GRHPR: variants seen among roughly 807,000 people sequenced by gnomAD.
The protein encoded by GRHPR is glyoxylate and hydroxypyruvate reductase, also known as glyoxylate reductase/hydroxypyruvate reductase.
In GRHPR, 35 loss-of-function variants were observed where a neutral mutation model predicts 36.8. The observed-to-expected ratio is 0.95, with a 90% confidence interval of 0.73 to 1.26. The LOEUF (loss-of-function observed/expected upper bound fraction) is 1.26, where lower values mean the gene tolerates loss of function less well. Among genes scored for constraint, GRHPR ranks in the 50% most tolerant of loss-of-function variants. The probability of loss-of-function intolerance (pLI) is 0.00; values close to 1 mark genes in which losing one functional copy is unlikely to be tolerated. For synonymous variants in GRHPR, 179 were observed against 181.0 expected, an observed-to-expected ratio of 0.99 and a Z score of 0.09; for missense variants, 380 against 435.0, an observed-to-expected ratio of 0.87 and a Z score of 1.12.
At chr9:37,431,064 C>T (rs760550989) in intron 7 of GRHPR, 5 of 472,200 alleles carry the variant, frequency 1.1e-5, no homozygotes, top group Non-Finnish European at 1.8e-5. Context: ...ACCTTATGCT[C>T]CTGGGCGGAC....
downstream of GRHPR, chr9:37,438,282 T>C (rs138716946): frequency 2.6e-5 from 4 of 152,696 alleles, no homozygotes; most frequent in Admixed American, 2.0e-4. Flanking sequence ...AAAATTCAGG[T>C]ACCCAAAACC....
At chr9:37,424,076 C>T (rs1822964486) in intron 1 of GRHPR, among the ~76,000 whole-genome samples, 1 of 152,200 alleles carries the variant, frequency 6.6e-6, no homozygotes, top group African/African-American at 2.4e-5. Flanking sequence ...GTTCTAGGGG[C>T]ATATGAGATT....
At position 37,435,355 on chromosome 9, in the gene GRHPR, T is replaced by C. The variant is rs1462807162; in HGVS notation, c.866-1306T>C. 2.0e-5 allele frequency among the ~76,000 whole-genome samples: 3 copies of C among 152,350 alleles called. No individual in the cohort carries two copies. The East Asian group carries it at 5.8e-4, about 29-fold the overall frequency. On this transcript the variant is annotated intron_variant, in intron 8 of 8. Transcript: ENST00000318158. ...GGTACTATACTTCATTCCTGACATATTTTGGTTTCCATGTTGGCATTCAGC... is the reference window on the plus strand; with the variant it reads ...GGTACTATACTTCATTCCTGACATACTTTGGTTTCCATGTTGGCATTCAGC...
At chr9:37,431,214 C>T (rs1202618498) in intron 7 of GRHPR, 2 of 360,390 alleles carry the variant, frequency 5.5e-6, no homozygotes, top group East Asian at 7.4e-5. Flanking sequence ...AGCCTGTTTA[C>T]ATCAGTTTAG....
intron 5 of GRHPR, 49 bp downstream of exon 5, chr9:37,428,621 T>C (rs760489628): frequency 8.0e-7 from 1 of 1,243,312 alleles, no homozygotes; most frequent in African/African-American, 1.5e-5. Flanking sequence ...CACAGCGTGG[T>C]TTGCATCCCT....
chr9:37,438,479 GAGGCAGGGCTCC>G (rs557406771), downstream of GRHPR: 2 of 152,602 alleles, frequency 1.3e-5, no homozygotes, highest in East Asian at 3.9e-4. Flanking sequence ...TAGCAGTGGA[GAGGCAGGGCTCC>G]AGCATGTATC....
In GRHPR at chr9:37,436,758, G is replaced by A. The variant is rs76299266; in HGVS notation, c.963G>A (p.Pro321=). 6.6e-3 allele frequency: 10,674 copies of A among 1,614,002 alleles called. 86 individuals are homozygous for A. Among genetic ancestry groups the A allele is most frequent in the African/African-American group, 0.025 (1,875 of 75,012 alleles). ...NNLLAGLRGE[P]MPSELKL ...TGCTGGCTGGCCTGAGAGGGGAGCC[G>A]ATGCCTAGTGAACTCAAGCTGTAGC... is the stretch of plus-strand genomic sequence containing the variant. Residue 321 remains proline, a synonymous_variant, in exon 9 of 9, where the codon CCG becomes CCA. Coordinates refer to ENST00000318158, the MANE Select transcript of GRHPR (RefSeq NM_012203.2).
At position 37,429,749 on chromosome 9, in the gene GRHPR, C is replaced by A; in HGVS notation, c.511C>A (p.Arg171Ser). Residue 171 changes from arginine to serine, a missense_variant, in exon 6 of 9, where the codon CGT becomes AGT. Coordinates refer to ENST00000318158, the MANE Select transcript of GRHPR (RefSeq NM_012203.2). ...TGCTCTAGGCCAGGCCATTGCTCGG[C>A]GTCTGAAACCATTCGGTGTCCAGAG... The part of the protein sequence containing the change: ...LGRIGQAIAR[R>S]LKPFGVQRFL... The A allele has an allele frequency of 6.2e-7, 1 of 1,611,958 alleles. No individual in the cohort carries two copies. The highest frequency in any genetic ancestry group is 8.5e-7 in the Non-Finnish European group (1 of 1,177,936).
chr9:37,427,461 C>T (rs934621158), intron 4 of GRHPR, among the ~76,000 whole-genome samples: 9 of 152,142 alleles, frequency 5.9e-5, no homozygotes, highest in Non-Finnish European at 1.2e-4. Context: ...CTACCACGTG[C>T]GCCATGCTGC....
At chr9:37,435,196 A>G (rs1823583430) in intron 8 of GRHPR, among the ~76,000 whole-genome samples, 1 of 152,322 alleles carries the variant, frequency 6.6e-6, no homozygotes, top group East Asian at 1.9e-4. Flanking sequence ...GGCTGTAGTA[A>G]GCTGACTATG....
In GRHPR at chr9:37,429,551, G is replaced by A. The variant is rs1823248400; in HGVS notation, c.494-181G>A. 6 of 686,390 alleles carry A rather than the reference G, an allele frequency of 8.7e-6. No homozygotes were observed. In the Admixed American group the frequency reaches 1.2e-4, roughly 14 times the overall value. 42.5% of individuals were successfully genotyped at this position (686,390 alleles called of 1,614,324 possible). ...CAGATCCCTGGGGCAGTGTGGGCTG[G>A]CTGGGGGCTAGTTACAGTGGGGCAG... On this transcript the variant is annotated intron_variant, in intron 5 of 8. Coordinates refer to ENST00000318158, the MANE Select transcript of GRHPR (RefSeq NM_012203.2).
Position 37,430,570 on chromosome 9 carries a change from C to A in GRHPR, c.658C>A (p.Pro220Thr), listed in dbSNP as rs1341790039. Residue 220 changes from proline (P) to threonine (T), a missense_variant, in exon 7 of 9, where the codon CCT (proline) becomes ACT (threonine). Coordinates refer to ENST00000318158, the MANE Select transcript of GRHPR (RefSeq NM_012203.2). ...DFIVVACSLT[P>T]ATEGLCNKDF... ...CATCGTCGTGGCCTGCTCCTTAACA[C>A]CTGCAACCGAGGGACTCTGCAACAA... 1 of 1,613,330 alleles carries A rather than the reference C, an allele frequency of 6.2e-7. No homozygotes were observed. Among genetic ancestry groups the A allele is most frequent in the Non-Finnish European group, 8.5e-7 (1 of 1,179,378 alleles).
chr9:37,427,227 G>A (rs1284386549), intron 4 of GRHPR, among the ~76,000 whole-genome samples: 1 of 152,166 alleles, frequency 6.6e-6, no homozygotes, highest in Non-Finnish European at 1.5e-5. Flanking sequence ...CACAGAATAA[G>A]TAGCAGGTGG....
At chr9:37,422,577 A>G (rs1822875683), upstream of GRHPR, 1 of 648,710 alleles carries the variant, frequency 1.5e-6, no homozygotes, top group East Asian at 3.1e-5. Flanking sequence ...CTCCCCGAGC[A>G]CGCACAGTCA....
chr9:37,432,823 C>T (rs1332054644), intron 8 of GRHPR: 1 of 153,604 alleles, frequency 6.5e-6, no homozygotes, highest in Non-Finnish European at 1.4e-5. Context: ...CAATATAACT[C>T]GTGCCAGTTT....
At chr9:37,428,152 C>G (rs1823174237) in intron 4 of GRHPR, 1 of 445,212 alleles carries the variant, frequency 2.2e-6, no homozygotes, top group Non-Finnish European at 4.2e-6. Flanking sequence ...AATCATAAAT[C>G]CTGAGTTTGC....
At position 37,436,772 on chromosome 9, in the gene GRHPR, T is replaced by A. The variant is rs1251237502; in HGVS notation, c.977T>A (p.Leu326His). 1.2e-6 allele frequency: 2 copies of A among 1,613,894 alleles called. No individual in the cohort carries two copies. The highest frequency in any genetic ancestry group is 2.7e-5 in the African/African-American group (2 of 74,888). The part of the protein sequence containing the change: ...GLRGEPMPSE[L>H]KL ...AGAGGGGAGCCGATGCCTAGTGAAC[T>A]CAAGCTGTAGCCAAACAGTAGAGAT... The change falls in exon 9 of 9, where the codon CTC becomes CAC. Residue 326 changes from leucine (L) to histidine (H), a missense_variant. By Grantham distance (99) the Leu-to-His change is moderately conservative. Transcript: ENST00000318158.
chr9:37,434,907 G>A (rs1426538959), intron 8 of GRHPR: 1 of 152,242 alleles, frequency 6.6e-6, no homozygotes, highest in Middle Eastern at 3.2e-3. Context: ...CATTATCCAG[G>A]AATGTTTCTT....
rs1823191681 is a variant in GRHPR at position 37,428,516 on chromosome 9, T to C, written c.437T>C (p.Leu146Pro). The change falls in exon 5 of 9, where the codon CTG (leucine) becomes CCG (proline). Residue 146 changes from leucine to proline, a missense_variant. Physicochemically the swap from Leu to Pro is moderately conservative, Grantham distance 98 (BLOSUM62 -3). Transcript: ENST00000318158. ...GGWTSWKPLW[L>P]CGYGLTQSTV... ...TGGACCTCGTGGAAGCCCCTCTGGC[T>C]GTGTGGCTATGGACTCACGCAGAGC... is the stretch of plus-strand genomic sequence containing the variant. The C allele has an allele frequency of 6.2e-7, 1 of 1,612,500 alleles. No individual in the cohort carries two copies. Among genetic ancestry groups the C allele is most frequent in the Non-Finnish European group, 8.5e-7 (1 of 1,179,348 alleles).
Sources: gnomAD v4.1 joint callset for allele counts (sites outside exome capture counted in the v4.1 genomes callset) on GRCh38, gnomAD v4.1.1 for gene constraint, MANE v1.5 for transcripts, NCBI Gene and HGNC (gene_info 2026-07-23, HGNC 2026-07-21) for gene names.